CD44: variants seen among roughly 807,000 people sequenced by gnomAD.
CD44 encodes the protein CD44 molecule (IN blood group), also known as CD44 antigen.
A neutral mutation model predicts 88.8 loss-of-function variants in CD44; 49 were observed. That is an observed-to-expected ratio of 0.55 (90% CI 0.44 to 0.70). CD44 has a LOEUF of 0.70. Ranked by LOEUF, CD44 falls within the 30% of genes least tolerant of loss-of-function variation. CD44 has a pLI of 0.00. For missense variants in CD44, 883 were observed against 913.8 expected, an observed-to-expected ratio of 0.97 and a Z score of 0.43; for synonymous variants, 325 against 312.3, an observed-to-expected ratio of 1.04 and a Z score of -0.43.
intron 6 of CD44, chr11:35,197,789 A>C (rs1168298828): frequency 5.0e-6 from 1 of 201,518 alleles, no homozygotes; most frequent in Non-Finnish European, 9.9e-6. Flanking sequence ...CTTTAATGGC[A>C]TATGGTTAAT....
chr11:35,165,302 G>A (rs117775771), intron 1 of CD44, among the ~76,000 whole-genome samples: 484 of 152,330 alleles, frequency 3.2e-3, no homozygotes, highest in Non-Finnish European at 5.1e-3. Flanking sequence ...AGTTGAAAAG[G>A]CAGCACCAGA....
intron 3 of CD44, among the ~76,000 whole-genome samples, chr11:35,182,580 G>A (rs932676128): frequency 8.5e-5 from 13 of 152,124 alleles, no homozygotes; most frequent in Admixed American, 4.6e-4. Context: ...CTAGCATGTC[G>A]TTCTAATGAT....
intron 9 of CD44, among the ~76,000 whole-genome samples, chr11:35,203,546 C>T (rs555977295): frequency 1.0e-3 from 159 of 152,024 alleles, no homozygotes; most frequent in African/African-American, 3.5e-3. Context: ...ATGGCTTGGC[C>T]GATGGAAGGG....
intron 1 of CD44, 146 bp downstream of exon 1, chr11:35,139,516 C>G (rs749780031): frequency 1.0e-5 from 8 of 791,368 alleles, no homozygotes; most frequent in African/African-American, 5.0e-5. Flanking sequence ...GAAAGCAGGG[C>G]TGGGATTTGC....
chr11:35,206,669 T>TGG (rs57972216), intron 11 of CD44, among the ~76,000 whole-genome samples: 8 of 146,186 alleles, frequency 5.5e-5, no homozygotes, highest in Middle Eastern at 7.1e-3. Context: ...TGGGGGTTGG[T>TGG]GGGGGGGGCA....
Position 35,204,651 on chromosome 11 carries a change from G to A in CD44, c.1282+11G>A, listed in dbSNP as rs761172121. Reference sequence around the variant, plus strand: ...CAACAGGGACAGCTGGTAATGGATGGTTTAACAAGTAAATTTGGATGGAAA... The same window carrying A: ...CAACAGGGACAGCTGGTAATGGATGATTTAACAAGTAAATTTGGATGGAAA... On this transcript the variant is annotated intron_variant, in intron 10 of 17. Coordinates refer to ENST00000428726, the MANE Select transcript of CD44 (RefSeq NM_000610.4). 18 of 1,611,398 alleles carry A rather than the reference G, an allele frequency of 1.1e-5. No homozygotes were observed. Among genetic ancestry groups the A allele is most frequent in the African/African-American group, 2.7e-5 (2 of 74,800 alleles).
chr11:35,139,521 A>G (rs1857469269), intron 1 of CD44, 151 bp downstream of exon 1: 1 of 785,714 alleles, frequency 1.3e-6, no homozygotes, highest in Admixed American at 1.7e-5. Context: ...CAGGGCTGGG[A>G]TTTGCGCTAA....
At chr11:35,222,749 T>C (rs1949408297) in intron 17 of CD44, 1 of 978,918 alleles carries the variant, frequency 1.0e-6, no homozygotes, top group Non-Finnish European at 1.2e-6. Flanking sequence ...TACATTATTT[T>C]TCTCCAGGAC....
At chr11:35,169,286 CA>C (rs1277319632) in intron 1 of CD44, among the ~76,000 whole-genome samples, 1 of 152,060 alleles carries the variant, frequency 6.6e-6, no homozygotes, top group Non-Finnish European at 1.5e-5. Context: ...AGAGAAGTTC[CA>C]AAATTTCAGA....
At chr11:35,201,505 C>G in intron 8 of CD44, 166 bp from the exon 9 acceptor site, 1 of 719,008 alleles carries the variant, frequency 1.4e-6, no homozygotes, top group Non-Finnish European at 2.3e-6. Flanking sequence ...CATTGATTTT[C>G]TCTTGAGACC....
Position 35,229,257 on chromosome 11 carries a change from C to T in CD44, c.2153C>T (p.Ser718Leu). The change falls in exon 18 of 18, where the codon TCA becomes TTA. Residue 718 changes from serine to leucine, a missense_variant. Physicochemically the swap from Ser to Leu is moderately radical, Grantham distance 145. Coordinates refer to ENST00000428726, the MANE Select transcript of CD44 (RefSeq NM_000610.4). ...GTGCATTTGGTGAACAAGGAGTCGT[C>T]AGAAACTCCAGACCAGTTTATGACA... ...EMVHLVNKES[S>L]ETPDQFMTAD... The T allele has an allele frequency of 1.2e-6, 2 of 1,613,988 alleles. No homozygotes were observed. Among genetic ancestry groups the T allele is most frequent in the South Asian group, 1.1e-5 (1 of 91,074 alleles).
At chr11:35,188,274 G>A (rs2133863916) in intron 4 of CD44, among the ~76,000 whole-genome samples, 1 of 152,306 alleles carries the variant, frequency 6.6e-6, no homozygotes, top group South Asian at 2.1e-4. Context: ...CTTGCAATAG[G>A]AAGGGGAGGC....
intron 1 of CD44, among the ~76,000 whole-genome samples, chr11:35,150,796 C>G (rs78429059): frequency 0.01 from 1,568 of 152,332 alleles, 12 homozygotes; most frequent in Non-Finnish European, 0.016. Context: ...GCTTCTCCCT[C>G]TCAGTCACAG....
chr11:35,192,182 A>T (rs1946332292), intron 5 of CD44, among the ~76,000 whole-genome samples: 1 of 152,254 alleles, frequency 6.6e-6, no homozygotes, highest in Admixed American at 6.5e-5. Context: ...GCTAAAAAAG[A>T]AAGAGACTAA....
intron 1 of CD44, among the ~76,000 whole-genome samples, chr11:35,175,092 C>G (rs1008882953): frequency 6.6e-6 from 1 of 152,178 alleles, no homozygotes; most frequent in Non-Finnish European, 1.5e-5. Context: ...AATGAACCAC[C>G]TATGTGACCA....
intron 9 of CD44, 82 bp downstream of exon 9, chr11:35,201,869 AT>A: frequency 7.1e-7 from 1 of 1,412,294 alleles, no homozygotes; most frequent in Non-Finnish European, 9.8e-7. Context: ...TTGTTTAGAA[AT>A]TGGCCGCATC....
At chr11:35,204,394 C>A (rs1437240605) in intron 9 of CD44, 118 bp from the exon 10 acceptor site, 3 of 870,058 alleles carry the variant, frequency 3.4e-6, no homozygotes, top group Non-Finnish European at 5.4e-6. Context: ...TTCCTTGGTG[C>A]CTTTCTTTTC....
At chr11:35,161,359 G>A (rs1369771933) in intron 1 of CD44, among the ~76,000 whole-genome samples, 1 of 152,102 alleles carries the variant, frequency 6.6e-6, no homozygotes, top group Non-Finnish European at 1.5e-5. Context: ...CTCAAGCCAG[G>A]ACTTGGACCC....
At chr11:35,206,075 T>C (rs769675874) in intron 10 of CD44, 37 bp from the exon 11 acceptor site, 1 of 1,577,294 alleles carries the variant, frequency 6.3e-7, no homozygotes, top group Non-Finnish European at 8.6e-7. Context: ...AAGCGTCCAT[T>C]AACACTTTGA....
Sources: gnomAD v4.1 joint callset for allele counts (sites outside exome capture counted in the v4.1 genomes callset) on GRCh38, gnomAD v4.1.1 for gene constraint, MANE v1.5 for transcripts, NCBI Gene and HGNC (gene_info 2026-07-23, HGNC 2026-07-21) for gene names.